The following RSPO2 variants were observed in gnomAD, a reference collection of about 807,000 sequenced individuals.
RSPO2 encodes the protein R-spondin-2.
In RSPO2, 14 loss-of-function variants were observed where a neutral mutation model predicts 30.9. The observed-to-expected ratio is 0.45, with a 90% confidence interval of 0.30 to 0.71. The LOEUF is 0.71. Ranked by LOEUF, RSPO2 falls within the 30% of genes least tolerant of loss-of-function variation. RSPO2 has a pLI of 0.08. For synonymous variants in RSPO2, 107 were observed against 96.4 expected (o/e 1.11, Z -0.64); for missense variants, 264 against 301.9 (o/e 0.87, Z 0.93).
At chr8:107,960,312 G>A (rs1263912293) in intron 4 of RSPO2, among the ~76,000 whole-genome samples, 1 of 151,546 alleles carries the variant, frequency 6.6e-6, no homozygotes, top group African/African-American at 2.4e-5. Context: ...CATAGCAGGA[G>A]CAATAGAGTA....
At chr8:107,947,131 C>T (rs1315248816) in intron 5 of RSPO2, among the ~76,000 whole-genome samples, 2 of 152,212 alleles carry the variant, frequency 1.3e-5, no homozygotes, top group Non-Finnish European at 2.9e-5. Flanking sequence ...CCCAATGTTC[C>T]AGGACACTGC....
intron 2 of RSPO2, among the ~76,000 whole-genome samples, chr8:108,024,901 T>C (rs925239100): frequency 1.3e-5 from 2 of 152,088 alleles, no homozygotes; most frequent in African/African-American, 2.4e-5. Flanking sequence ...ACACCTGTAG[T>C]TCTAGCTACT....
At chr8:108,009,150 T>TG (rs1810610123) in intron 2 of RSPO2, among the ~76,000 whole-genome samples, 1 of 152,158 alleles carries the variant, frequency 6.6e-6, no homozygotes, top group South Asian at 2.1e-4. Context: ...ATGCTGCTGG[T>TG]GGTAATGTAA....
At chr8:108,074,039 C>T (rs1440196254) in intron 2 of RSPO2, among the ~76,000 whole-genome samples, 1 of 152,142 alleles carries the variant, frequency 6.6e-6, no homozygotes, top group Non-Finnish European at 1.5e-5. Flanking sequence ...TATATCGTCC[C>T]TCTACACCAC....
At position 107,902,243 on chromosome 8, in the gene RSPO2, A is replaced by G. The variant is rs554224704; in HGVS notation, c.617-1053T>C. On this transcript the variant is annotated intron_variant, in intron 5 of 5. Transcript: ENST00000276659. ...TCAGTACAGGAAGACTTTTGTCTCA[A>G]TGAACAAGAAAGAATCCTGTTGGCT... is the stretch of plus-strand genomic sequence containing the variant. Among the ~76,000 whole-genome samples the G allele has an allele frequency of 2.2e-3, 334 of 152,320 alleles. 4 individuals carry two copies. The highest frequency in any genetic ancestry group is 5.4e-3 in the South Asian group (26 of 4,828).
chr8:107,965,724 G>A (rs1813780798), intron 3 of RSPO2, among the ~76,000 whole-genome samples: 1 of 151,702 alleles, frequency 6.6e-6, no homozygotes, highest in African/African-American at 2.4e-5. Flanking sequence ...CTAAGTAAAT[G>A]AACATGAATG....
chr8:108,082,925 G>A, intron 1 of RSPO2, 118 bp from the exon 2 acceptor site: 1 of 399,070 alleles, frequency 2.5e-6, no homozygotes. Flanking sequence ...CGAACCCACT[G>A]CCTAGCACGA....
chr8:108,016,540 G>GA lies in RSPO2; in HGVS notation c.95-27297dup, dbSNP rs143726722. On this transcript the variant is annotated intron_variant, in intron 2 of 5. Coordinates refer to ENST00000276659, the MANE Select transcript of RSPO2 (RefSeq NM_178565.5). ...GTTGAATTTGAGAAGCACACACAGAGAAAAAAAACCACCTTCAGAGAAAAC... is the reference window on the plus strand; with the variant it reads ...GTTGAATTTGAGAAGCACACACAGAGAAAAAAAAACCACCTTCAGAGAAAAC... Among the ~76,000 whole-genome samples, 1,249 of 151,768 alleles carry GA rather than the reference G, an allele frequency of 8.2e-3. 10 individuals are homozygous for GA. Among genetic ancestry groups the GA allele is most frequent in the Non-Finnish European group, 0.013 (882 of 67,920 alleles).
chr8:107,991,649 C>G (rs1282757215), intron 2 of RSPO2, among the ~76,000 whole-genome samples: 6 of 152,118 alleles, frequency 3.9e-5, no homozygotes, highest in Admixed American at 6.5e-5. Context: ...AACTATGCAT[C>G]TGACAAAGGT....
rs1813741393 is a variant in RSPO2 at position 107,964,714 on chromosome 8, A to G, written c.284-3897T>C. ...TTCTGCTTTGCAGGGGGTGGGGGGA[A>G]CTCCTGTGCAGTCTCATAGTCCTAT... is the stretch of plus-strand genomic sequence containing the variant. On this transcript the variant is annotated intron_variant, in intron 3 of 5. Transcript: ENST00000276659. Among the ~76,000 whole-genome samples the G allele has an allele frequency of 4.0e-5, 6 of 151,874 alleles. No homozygotes were observed. The South Asian group carries it at 1.0e-3, about 26-fold the overall frequency.
chr8:108,025,071 A>C (rs1385710692), intron 2 of RSPO2, among the ~76,000 whole-genome samples: 1 of 152,216 alleles, frequency 6.6e-6, no homozygotes, highest in African/African-American at 2.4e-5. Context: ...AAGCAGAAAC[A>C]AATTTATAAG....
intron 2 of RSPO2, among the ~76,000 whole-genome samples, chr8:108,008,894 A>T (rs564797238): frequency 3.6e-4 from 54 of 151,978 alleles, no homozygotes; most frequent in Non-Finnish European, 5.9e-5. Context: ...ATAATGGTAA[A>T]TTTTTTTTGT....
intron 2 of RSPO2, among the ~76,000 whole-genome samples, chr8:108,071,845 C>T (rs1363020161): frequency 6.6e-6 from 1 of 152,190 alleles, no homozygotes; most frequent in Non-Finnish European, 1.5e-5. Context: ...ACCCAGAAGA[C>T]ATGACAAGTC....
chr8:107,903,942 G>C (rs1811555944), intron 5 of RSPO2, among the ~76,000 whole-genome samples: 1 of 152,034 alleles, frequency 6.6e-6, no homozygotes, highest in Non-Finnish European at 1.5e-5. Flanking sequence ...GCTCAAAGTA[G>C]CAAAAGTAGT....
At chr8:107,989,343 A>ATACTCACATAG in intron 2 of RSPO2, 99 bp from the exon 3 acceptor site, 2 of 733,782 alleles carry the variant, frequency 2.7e-6, no homozygotes, top group Non-Finnish European at 4.3e-6. Flanking sequence ...TCTTTCTGCT[A>ATACTCACATAG]TACTCACATA....
At chr8:108,052,974 T>A (rs544404889) in intron 2 of RSPO2, among the ~76,000 whole-genome samples, 2 of 152,272 alleles carry the variant, frequency 1.3e-5, no homozygotes, top group South Asian at 4.1e-4. Flanking sequence ...CATATATATA[T>A]ACAGTTTGTG....
intron 2 of RSPO2, among the ~76,000 whole-genome samples, chr8:108,059,008 T>G (rs1400549484): frequency 6.6e-6 from 1 of 151,760 alleles, no homozygotes; most frequent in East Asian, 1.9e-4. Flanking sequence ...GGGATCTAAT[T>G]AAACTCAAGA....
chr8:107,988,448 T>G (rs1340559101), intron 3 of RSPO2, among the ~76,000 whole-genome samples: 6 of 151,582 alleles, frequency 4.0e-5, no homozygotes, highest in African/African-American at 1.5e-4. Flanking sequence ...TTATAAGCAC[T>G]GAGTAGGTAC....
At chr8:108,057,747 T>C (rs1484160394) in intron 2 of RSPO2, among the ~76,000 whole-genome samples, 1 of 152,222 alleles carries the variant, frequency 6.6e-6, no homozygotes, top group Non-Finnish European at 1.5e-5. Context: ...TATTCCTAGT[T>C]CTATTCCCTG....
Sources: gnomAD v4.1 joint callset for allele counts (sites outside exome capture counted in the v4.1 genomes callset) on GRCh38, gnomAD v4.1.1 for gene constraint, MANE v1.5 for transcripts, NCBI Gene and HGNC (gene_info 2026-07-23, HGNC 2026-07-21) for gene names.